The following PLEKHA7 variants were observed in gnomAD, a reference collection of about 807,000 sequenced individuals.
The protein encoded by PLEKHA7 is pleckstrin homology domain containing A7.
Under a neutral mutation model 170.0 loss-of-function variants are expected in PLEKHA7, and 104 were observed. The ratio of observed to expected loss-of-function variants is 0.61; its 90% CI spans 0.52 to 0.72. The LOEUF is 0.72. Ranked by LOEUF, PLEKHA7 falls within the 30% of genes least tolerant of loss-of-function variation. The pLI is 0.00. For synonymous variants in PLEKHA7, 648 were observed against 660.8 expected, an observed-to-expected ratio of 0.98 and a Z score of 0.30; for missense variants, 1,615 against 1,671.7, an observed-to-expected ratio of 0.97 and a Z score of 0.59.
chr11:16,919,856 G>A (rs942124805), intron 3 of PLEKHA7, among the ~76,000 whole-genome samples: 1 of 152,150 alleles, frequency 6.6e-6, no homozygotes, highest in Non-Finnish European at 1.5e-5. Context: ...GGATGAGAGA[G>A]GGAATGACAA....
chr11:16,897,778 C>T (rs758547475), intron 3 of PLEKHA7, among the ~76,000 whole-genome samples: 9 of 152,096 alleles, frequency 5.9e-5, no homozygotes, highest in Non-Finnish European at 1.3e-4. Context: ...CTAGCTGCAG[C>T]GGAGAGCATT....
At position 16,778,732 on chromosome 11, in the gene PLEKHA7, A is replaced by G; in HGVS notation, c.*266T>C. The G allele has an allele frequency of 1.9e-6, 1 of 533,924 alleles. No homozygotes were observed. Among genetic ancestry groups the G allele is most frequent in the African/African-American group, 1.9e-5 (1 of 52,734 alleles). 33.1% of individuals were successfully genotyped at this position (533,924 alleles called of 1,614,324 possible). On this transcript the variant is annotated 3_prime_UTR_variant, in exon 27 of 27. Coordinates refer to ENST00000531066, the MANE Select transcript of PLEKHA7 (RefSeq NM_001329630.2). Reference sequence around the variant, plus strand: ...GCCCTTGAGGGGAACATTAGAAAATAGATTCCGATTCTAAAATACAGTGTA... The same window carrying G: ...GCCCTTGAGGGGAACATTAGAAAATGGATTCCGATTCTAAAATACAGTGTA...
intron 3 of PLEKHA7, among the ~76,000 whole-genome samples, chr11:16,959,873 C>T (rs1239275571): frequency 6.6e-6 from 1 of 152,154 alleles, no homozygotes; most frequent in South Asian, 2.1e-4. Context: ...TACCTACTTC[C>T]CCCCAGGTAC....
In PLEKHA7 at chr11:16,826,540, T is replaced by C; in HGVS notation, c.923A>G (p.Glu308Gly). 1.2e-6 allele frequency: 2 copies of C among 1,614,156 alleles called. No individual in the cohort carries two copies. The highest frequency in any genetic ancestry group is 1.7e-6 in the Non-Finnish European group (2 of 1,180,012). The part of the protein sequence containing the change: ...RQAVPQANHT[E>G]SCHECGRVGP... Reference sequence around the variant, plus strand: ...CACCCGGCCACATTCGTGACAGGACTCTGTGTGGTTGGCCTGGGGGACAGC... The same window carrying C: ...CACCCGGCCACATTCGTGACAGGACCCTGTGTGGTTGGCCTGGGGGACAGC... The change falls in exon 10 of 27, where the codon GAG (glutamate) becomes GGG (glycine). Residue 308 changes from glutamate (E) to glycine (G), a missense_variant. By Grantham distance (98) the Glu-to-Gly change is moderately conservative. Transcript: ENST00000531066.
intron 8 of PLEKHA7, among the ~76,000 whole-genome samples, chr11:16,842,800 C>A (rs888048737): frequency 6.6e-6 from 1 of 152,098 alleles, no homozygotes; most frequent in Non-Finnish European, 1.5e-5. Flanking sequence ...TACTGAGTAC[C>A]TACTATGTGT....
At chr11:16,880,121 T>G (rs1440901606) in intron 3 of PLEKHA7, among the ~76,000 whole-genome samples, 8 of 152,204 alleles carry the variant, frequency 5.3e-5, no homozygotes, top group Non-Finnish European at 2.9e-5. Flanking sequence ...AGGAGCTGAG[T>G]ACCAGCTTTG....
intron 24 of PLEKHA7, among the ~76,000 whole-genome samples, chr11:16,785,972 A>C (rs1849366542): frequency 6.6e-6 from 1 of 152,098 alleles, no homozygotes; most frequent in Admixed American, 6.5e-5. Context: ...TTCACAACCC[A>C]CTTCACTGTT....
chr11:16,780,086 G>A (rs907163663), intron 26 of PLEKHA7, among the ~76,000 whole-genome samples: 9 of 152,150 alleles, frequency 5.9e-5, no homozygotes, highest in Admixed American at 3.9e-4. Flanking sequence ...ACAAGTATAC[G>A]TAAAGGAAGG....
chr11:17,001,884 T>A (rs557161660), intron 3 of PLEKHA7, among the ~76,000 whole-genome samples: 1 of 152,252 alleles, frequency 6.6e-6, no homozygotes, highest in Admixed American at 6.5e-5. Flanking sequence ...GGCGAGGCTC[T>A]GTCTTGGCAA....
chr11:16,891,107 G>T (rs1255701974), intron 3 of PLEKHA7, among the ~76,000 whole-genome samples: 1 of 103,150 alleles, frequency 9.7e-6, no homozygotes, highest in Non-Finnish European at 2.4e-5. Flanking sequence ...TAGAGATGGG[G>T]TCTTGCTATG....
At chr11:16,936,401 C>CAAAA (rs57104068) in intron 3 of PLEKHA7, among the ~76,000 whole-genome samples, 1,076 of 67,936 alleles carry the variant, frequency 0.016, 142 homozygotes, top group African/African-American at 0.036. Context: ...GACTCTGTCT[C>CAAAA]AAAAAAAAAA....
intron 3 of PLEKHA7, among the ~76,000 whole-genome samples, chr11:16,967,734 C>T (rs1027707081): frequency 1.2e-4 from 19 of 152,168 alleles, no homozygotes; most frequent in Non-Finnish European, 1.9e-4. Flanking sequence ...ACGGACAGGC[C>T]AGGAGCCCAG....
chr11:16,970,063 C>T (rs1052065792), intron 3 of PLEKHA7, among the ~76,000 whole-genome samples: 1 of 152,182 alleles, frequency 6.6e-6, no homozygotes, highest in African/African-American at 2.4e-5. Flanking sequence ...GGAGCCTCTT[C>T]AAACACTTAA....
rs557004305 is a variant in PLEKHA7 at position 16,809,465 on chromosome 11, C to A, written c.2007+3648G>T. 3.3e-5 allele frequency among the ~76,000 whole-genome samples: 5 copies of A among 152,306 alleles called. No individual in the cohort carries two copies. In the East Asian group the frequency reaches 5.8e-4, roughly 18 times the overall value. On this transcript the variant is annotated intron_variant, in intron 13 of 26. Coordinates refer to ENST00000531066, the MANE Select transcript of PLEKHA7 (RefSeq NM_001329630.2). Reference sequence around the variant, plus strand: ...CAGAGAGGCTTATATCCTTACCTCACCCCCCTCCAAGGAACCAGGGGGGAC... The same window carrying A: ...CAGAGAGGCTTATATCCTTACCTCAACCCCCTCCAAGGAACCAGGGGGGAC...
At chr11:16,801,631 C>T (rs745791912) in intron 16 of PLEKHA7, 37 bp downstream of exon 16, 14 of 1,611,984 alleles carry the variant, frequency 8.7e-6, no homozygotes, top group South Asian at 7.7e-5. Context: ...TTGCTCAGCC[C>T]GTCCTGAGGG....
intron 3 of PLEKHA7, among the ~76,000 whole-genome samples, chr11:16,997,028 C>G (rs943340468): frequency 9.2e-5 from 14 of 152,200 alleles, no homozygotes; most frequent in African/African-American, 3.1e-4. Flanking sequence ...CTACCAGGCC[C>G]AAGCAAGCCC....
chr11:16,811,023 T>C (rs1052871046), intron 13 of PLEKHA7, among the ~76,000 whole-genome samples: 3 of 152,182 alleles, frequency 2.0e-5, no homozygotes, highest in Admixed American at 2.0e-4. Context: ...TAACCCCCTA[T>C]TGTTATTAAG....
chr11:16,927,561 C>T (rs1270409797), intron 3 of PLEKHA7, among the ~76,000 whole-genome samples: 2 of 152,076 alleles, frequency 1.3e-5, no homozygotes, highest in Non-Finnish European at 2.9e-5. Flanking sequence ...GAATAGAAGC[C>T]CTGGGTCATC....
chr11:16,982,543 G>C (rs7127818), intron 3 of PLEKHA7, among the ~76,000 whole-genome samples: 31,944 of 152,206 alleles, frequency 0.21, 4,249 homozygotes, highest in East Asian at 0.39. Flanking sequence ...AGGAACCCTA[G>C]ACGAAAGCAG....
Sources: allele counts gnomAD v4.1 joint callset (sites outside exome capture counted in the v4.1 genomes callset), GRCh38; gene constraint gnomAD v4.1.1; transcripts MANE v1.5; gene names NCBI Gene and HGNC (gene_info 2026-07-23, HGNC 2026-07-21).